The following GFRA1 variants were observed in gnomAD, a reference collection of about 807,000 sequenced individuals.
GFRA1 encodes the protein GDNF family receptor alpha 1.
A neutral mutation model predicts 51.6 loss-of-function variants in GFRA1; 16 were observed. The observed-to-expected ratio is 0.31, with a 90% CI of 0.21 to 0.47. The LOEUF is 0.47. GFRA1 is among the 20% of genes least tolerant of loss of function. GFRA1 has a pLI of 1.00. For synonymous variants in GFRA1, 270 were observed against 241.3 expected (o/e 1.12, Z -1.10); for missense variants, 530 against 594.3 (o/e 0.89, Z 1.13).
rs562838971 is a variant in GFRA1, at chr10:116,100,431, G to A, written c.771-3667C>T. Reference sequence around the variant, plus strand: ...CCACATTCAATCTGATGCCAGAGCCGGAGATCATTCTCAACTGCTGCACTT... The same window carrying A: ...CCACATTCAATCTGATGCCAGAGCCAGAGATCATTCTCAACTGCTGCACTT... On this transcript the variant is annotated intron_variant, in intron 6 of 10. Coordinates refer to ENST00000355422, the MANE Select transcript of GFRA1 (RefSeq NM_005264.8). Among the ~76,000 whole-genome samples the A allele has an allele frequency of 3.9e-5, 6 of 152,250 alleles. No individual in the cohort carries two copies. In the South Asian group the frequency reaches 6.2e-4, roughly 16 times the overall value.
chr10:116,174,862 A>G (rs150846901), intron 5 of GFRA1, among the ~76,000 whole-genome samples: 6 of 152,342 alleles, frequency 3.9e-5, no homozygotes, highest in Admixed American at 2.6e-4. Flanking sequence ...GCAAAATATA[A>G]TATAGAATTG....
rs560722988 is a variant in GFRA1 at position 116,207,423 on chromosome 10, G to C, written c.433+4208C>G. On this transcript the variant is annotated intron_variant, in intron 5 of 10. Transcript: ENST00000355422. ...AAAATCCTGGCTATGTGGCAATTGT[G>C]GGTCCAAATTCCTGCCTGGCCTCAC... is the stretch of plus-strand genomic sequence containing the variant. Among the ~76,000 whole-genome samples, 10 of 152,280 alleles carry C rather than the reference G, an allele frequency of 6.6e-5. No individual in the cohort carries two copies. In the South Asian group the frequency reaches 2.1e-3, roughly 32 times the overall value.
chr10:116,147,039 TGTGTGA>T (rs1023001920), intron 5 of GFRA1, among the ~76,000 whole-genome samples: 23 of 147,082 alleles, frequency 1.6e-4, no homozygotes, highest in Non-Finnish European at 3.0e-4. Flanking sequence ...TGTGTGTGTG[TGTGTGA>T]GAGAGAGAGA....
chr10:116,218,252 A>G (rs1216078355), intron 4 of GFRA1, among the ~76,000 whole-genome samples: 1 of 151,942 alleles, frequency 6.6e-6, no homozygotes. Context: ...CAAGACCACC[A>G]TTTAGGGGGC....
chr10:116,231,837 G>C (rs1966696911), intron 4 of GFRA1, among the ~76,000 whole-genome samples: 1 of 152,144 alleles, frequency 6.6e-6, no homozygotes, highest in African/African-American at 2.4e-5. Context: ...ATCGACCCGG[G>C]CACACAAGCT....
At chr10:116,244,074 T>TA (rs1344838921) in intron 4 of GFRA1, among the ~76,000 whole-genome samples, 1 of 152,090 alleles carries the variant, frequency 6.6e-6, no homozygotes. Context: ...AAATCACTGT[T>TA]ACTAAAGATG....
intron 4 of GFRA1, among the ~76,000 whole-genome samples, chr10:116,216,754 G>C (rs1012800252): frequency 6.6e-6 from 1 of 152,150 alleles, no homozygotes; most frequent in African/African-American, 2.4e-5. Flanking sequence ...TTGAGCTACA[G>C]AAAGAAAATT....
chr10:116,267,372 A>G (rs1969742102), intron 4 of GFRA1, among the ~76,000 whole-genome samples: 1 of 152,082 alleles, frequency 6.6e-6, no homozygotes, highest in Admixed American at 6.5e-5. Context: ...AGGCTGAGGC[A>G]GGAGAATCAC....
At chr10:116,264,024 T>G (rs1030187944) in intron 4 of GFRA1, among the ~76,000 whole-genome samples, 1 of 152,196 alleles carries the variant, frequency 6.6e-6, no homozygotes, top group African/African-American at 2.4e-5. Flanking sequence ...AGATCCATTC[T>G]GGACATGCTA....
intron 4 of GFRA1, among the ~76,000 whole-genome samples, chr10:116,239,722 C>T (rs560414529): frequency 2.0e-5 from 3 of 152,224 alleles, no homozygotes; most frequent in South Asian, 4.1e-4. Flanking sequence ...GTGATAGACA[C>T]GTATCATCTT....
intron 4 of GFRA1, among the ~76,000 whole-genome samples, chr10:116,243,941 A>G (rs764668071): frequency 3.9e-5 from 6 of 152,216 alleles, no homozygotes; most frequent in Non-Finnish European, 5.9e-5. Context: ...GGTCCCAAAG[A>G]TATTCCTCCA....
intron 4 of GFRA1, among the ~76,000 whole-genome samples, chr10:116,224,148 A>C (rs75710883): frequency 0.022 from 3,284 of 152,318 alleles, 67 homozygotes; most frequent in African/African-American, 0.059. Context: ...ATTTTGTTAT[A>C]GCCGCACAAA....
At position 116,102,450 on chromosome 10, in the gene GFRA1, T is replaced by C. The variant is rs113425441; in HGVS notation, c.771-5686A>G. Among the ~76,000 whole-genome samples the C allele has an allele frequency of 1.9e-4, 29 of 152,352 alleles. 1 individual carries two copies. Among genetic ancestry groups the C allele is most frequent in the African/African-American group, 7.0e-4 (29 of 41,594 alleles). On this transcript the variant is annotated intron_variant, in intron 6 of 10. Coordinates refer to ENST00000355422, the MANE Select transcript of GFRA1 (RefSeq NM_005264.8). The stretch of plus-strand genomic sequence containing the variant: ...GAGTCTGTTGTACCCCACCAGGGAC[T>C]GCACAGCACTGCAGGGCTTGACCAC...
chr10:116,057,851 T>C lies in GFRA1; in HGVS notation c.*6547A>G, dbSNP rs1954612622. 6.6e-6 allele frequency: 1 copy of C among 151,922 alleles called. No homozygotes were observed. The highest frequency in any genetic ancestry group is 1.5e-5 in the Non-Finnish European group (1 of 67,994). 9.4% of individuals were successfully genotyped at this position (151,922 alleles called of 1,614,324 possible). On this transcript the variant is annotated 3_prime_UTR_variant, in exon 11 of 11. Transcript: ENST00000355422. ...ATGGCAGGGCAAACTGATTTGGTTC[T>C]GCGATTTCCATTCTCCTCTCCACAT...
chr10:116,096,605 G>A, intron 7 of GFRA1, 50 bp downstream of exon 7: 1 of 977,372 alleles, frequency 1.0e-6, no homozygotes, highest in Non-Finnish European at 1.6e-6. Context: ...AAAGAACGCA[G>A]GTATATGCAA....
chr10:116,065,970 G>A (rs1265992840), intron 9 of GFRA1, among the ~76,000 whole-genome samples: 1 of 152,106 alleles, frequency 6.6e-6, no homozygotes, highest in Non-Finnish European at 1.5e-5. Context: ...AAAGCCAAGT[G>A]GCTCCTGAAG....
At chr10:116,147,790 T>C (rs1202480061) in intron 5 of GFRA1, among the ~76,000 whole-genome samples, 1 of 151,900 alleles carries the variant, frequency 6.6e-6, no homozygotes, top group Non-Finnish European at 1.5e-5. Context: ...CTGCAAAAGG[T>C]CTCAGGTTAA....
At chr10:116,237,159 G>C (rs1166210433) in intron 4 of GFRA1, among the ~76,000 whole-genome samples, 1 of 152,138 alleles carries the variant, frequency 6.6e-6, no homozygotes, top group Non-Finnish European at 1.5e-5. Context: ...GTATACATAA[G>C]CGTCTTTTTT....
intron 9 of GFRA1, among the ~76,000 whole-genome samples, chr10:116,076,717 G>A (rs1955634047): frequency 6.6e-6 from 1 of 152,112 alleles, no homozygotes; most frequent in African/African-American, 2.4e-5. Context: ...GCCAGAGCTG[G>A]TTCGCTCAAT....
Sources: allele counts gnomAD v4.1 joint callset (sites outside exome capture counted in the v4.1 genomes callset), GRCh38; gene constraint gnomAD v4.1.1; transcripts MANE v1.5; gene names NCBI Gene and HGNC (gene_info 2026-07-23, HGNC 2026-07-21).